Variants in PTPN4 observed in about 807,000 individuals in gnomAD.
PTPN4 encodes protein tyrosine phosphatase non-receptor type 4.
In PTPN4, 49 loss-of-function variants were observed where a neutral mutation model predicts 135.5. That is an observed-to-expected ratio of 0.36 (90% CI 0.29 to 0.46). PTPN4 has a LOEUF of 0.46. PTPN4 is among the 20% of genes least tolerant of loss of function. The pLI is 1.00. For missense variants in PTPN4, 860 were observed against 1,101.0 expected (o/e 0.78, Z 3.10); for synonymous variants, 333 against 369.9 (o/e 0.90, Z 1.14).
chr2:119,889,039 T>C (rs1479861533), intron 9 of PTPN4, among the ~76,000 whole-genome samples: 1 of 152,214 alleles, frequency 6.6e-6, no homozygotes, highest in East Asian at 1.9e-4. Context: ...TTTCTATTTC[T>C]TCTTGATTCA....
At chr2:119,779,862 A>T (rs907187868) in intron 1 of PTPN4, among the ~76,000 whole-genome samples, 3 of 152,072 alleles carry the variant, frequency 2.0e-5, no homozygotes, top group Admixed American at 2.0e-4. Flanking sequence ...CTCCCACCTC[A>T]GCCTTCTGGG....
intron 2 of PTPN4, among the ~76,000 whole-genome samples, chr2:119,827,063 C>A (rs926277288): frequency 7.2e-5 from 11 of 152,126 alleles, no homozygotes; most frequent in African/African-American, 2.7e-4. Context: ...CAGTTTTGAT[C>A]TAACTAGGCG....
At chr2:119,945,412 A>G (rs1403383528) in intron 16 of PTPN4, among the ~76,000 whole-genome samples, 172 bp downstream of exon 16, 1 of 152,062 alleles carries the variant, frequency 6.6e-6, no homozygotes, top group Non-Finnish European at 1.5e-5. Context: ...TATAAGTTCT[A>G]TAATTAGAAG....
At chr2:119,867,312 G>T (rs1319368147) in intron 3 of PTPN4, among the ~76,000 whole-genome samples, 7 of 152,098 alleles carry the variant, frequency 4.6e-5, no homozygotes, top group Non-Finnish European at 1.0e-4. Flanking sequence ...TAAAGAAATT[G>T]CTAAGAAAGT....
At chr2:119,923,927 G>A (rs1427675245) in intron 12 of PTPN4, among the ~76,000 whole-genome samples, 3 of 152,068 alleles carry the variant, frequency 2.0e-5, no homozygotes, top group Non-Finnish European at 4.4e-5. Flanking sequence ...CACGAGGTCA[G>A]CAGATCGAGA....
rs187164366 is a variant in PTPN4 at position 119,852,433 on chromosome 2, C to T, written c.139-10103C>T. On this transcript the variant is annotated intron_variant, in intron 2 of 26. Coordinates refer to ENST00000263708, the MANE Select transcript of PTPN4 (RefSeq NM_002830.4). ...ACACCCTTCCACCAAAGTAAAAGTGCCTTGCTGAGAAATTTTCTGTTTAGG... is the reference window on the plus strand; with the variant it reads ...ACACCCTTCCACCAAAGTAAAAGTGTCTTGCTGAGAAATTTTCTGTTTAGG... 3.9e-5 allele frequency among the ~76,000 whole-genome samples: 6 copies of T among 152,328 alleles called. No individual in the cohort carries two copies. The East Asian group carries it at 1.2e-3, about 29-fold the overall frequency.
intron 26 of PTPN4, 121 bp from the exon 27 acceptor site, chr2:119,976,863 C>A: frequency 6.9e-7 from 1 of 1,459,764 alleles, no homozygotes. Flanking sequence ...TATCTTTATG[C>A]AGTTTTGTTT....
chr2:119,762,569 GA>G (rs1203501039), intron 1 of PTPN4, among the ~76,000 whole-genome samples: 2 of 152,104 alleles, frequency 1.3e-5, no homozygotes, highest in African/African-American at 4.8e-5. Flanking sequence ...AAATTGCAAG[GA>G]GGTTTGTTAT....
At chr2:119,881,387 C>G (rs1358557780) in intron 5 of PTPN4, among the ~76,000 whole-genome samples, 1 of 152,150 alleles carries the variant, frequency 6.6e-6, no homozygotes, top group Admixed American at 6.5e-5. Flanking sequence ...CTCAGACCAG[C>G]GAAAATCATC....
chr2:119,771,520 G>A (rs1472028577), intron 1 of PTPN4: 7 of 152,154 alleles, frequency 4.6e-5, no homozygotes, highest in Admixed American at 4.6e-4. Flanking sequence ...CTGCTGCCAT[G>A]TTTCCTTACT....
intron 19 of PTPN4, among the ~76,000 whole-genome samples, chr2:119,953,569 A>T (rs947753944): frequency 6.6e-6 from 1 of 152,174 alleles, no homozygotes; most frequent in African/African-American, 2.4e-5. Context: ...TTTCTGTCAC[A>T]TACAGCTACT....
At chr2:119,900,982 C>G (rs1319928956) in intron 10 of PTPN4, among the ~76,000 whole-genome samples, 176 bp downstream of exon 10, 1 of 152,154 alleles carries the variant, frequency 6.6e-6, no homozygotes, top group East Asian at 1.9e-4. Flanking sequence ...TGGTTTATTT[C>G]AAAATTACTT....
At chr2:119,962,393 G>T (rs1679378373) in intron 23 of PTPN4, among the ~76,000 whole-genome samples, 1 of 151,836 alleles carries the variant, frequency 6.6e-6, no homozygotes, top group South Asian at 2.1e-4. Flanking sequence ...GGCAGAGGTT[G>T]CAGTGAGCCA....
intron 8 of PTPN4, among the ~76,000 whole-genome samples, chr2:119,885,244 A>G (rs1043076751): frequency 2.0e-5 from 3 of 152,322 alleles, no homozygotes; most frequent in Non-Finnish European, 4.4e-5. Context: ...ACAAAGACGT[A>G]AAAAATACAA....
At chr2:119,795,672 A>G (rs1040212029) in intron 1 of PTPN4, among the ~76,000 whole-genome samples, 17 of 152,334 alleles carry the variant, frequency 1.1e-4, no homozygotes, top group African/African-American at 4.1e-4. Context: ...GTCCCCCAAG[A>G]TTGCAGAGAT....
intron 18 of PTPN4, among the ~76,000 whole-genome samples, chr2:119,950,631 C>G (rs190884436): frequency 1.3e-5 from 2 of 152,256 alleles, no homozygotes; most frequent in African/African-American, 4.8e-5. Context: ...TTTCTTCATG[C>G]CTTTACCACA....
chr2:119,979,323 T>G lies in PTPN4; in HGVS notation c.*2253T>G, dbSNP rs1404051511. ...CATGTTCTTTAATTTAGGGCCTTGT[T>G]TATACTTGTGAGTTTAATAATTTCT... On this transcript the variant is annotated 3_prime_UTR_variant, in exon 27 of 27. Transcript: ENST00000263708. 1 of 152,144 alleles carries G rather than the reference T, an allele frequency of 6.6e-6. No individual in the cohort carries two copies. The highest frequency in any genetic ancestry group is 1.5e-5 in the Non-Finnish European group (1 of 67,982). The allele number at this position is 152,144 out of a possible 1,614,324, so 9.4% of individuals were successfully genotyped here.
intron 2 of PTPN4, among the ~76,000 whole-genome samples, chr2:119,821,162 G>A (rs1677063721): frequency 1.4e-5 from 2 of 148,130 alleles, no homozygotes; most frequent in Non-Finnish European, 3.0e-5. Context: ...GCGTGATCTC[G>A]GTTCACTGCA....
chr2:119,787,346 A>G (rs1691064591), intron 1 of PTPN4, among the ~76,000 whole-genome samples: 1 of 152,196 alleles, frequency 6.6e-6, no homozygotes, highest in South Asian at 2.1e-4. Flanking sequence ...GCTCAGTACT[A>G]GGTGCTAAGA....
Sources: gnomAD v4.1 joint callset for allele counts (sites outside exome capture counted in the v4.1 genomes callset) on GRCh38, gnomAD v4.1.1 for gene constraint, MANE v1.5 for transcripts, NCBI Gene and HGNC (gene_info 2026-07-23, HGNC 2026-07-21) for gene names.